Variants in BRDT observed in about 807,000 individuals in gnomAD.
BRDT encodes bromodomain testis-specific protein.
In BRDT, 77 loss-of-function variants were observed where a neutral mutation model predicts 113.9. That is an observed-to-expected ratio of 0.68 (90% CI 0.56 to 0.82). The LOEUF (loss-of-function observed/expected upper bound fraction) is 0.82, where lower values mean the gene tolerates loss of function less well. Among genes scored for constraint, BRDT ranks in the 40% least tolerant of loss-of-function variants. The pLI is 0.00. For synonymous variants in BRDT, 358 were observed against 366.5 expected (o/e 0.98, Z 0.26); for missense variants, 1,027 against 1,105.4 (o/e 0.93, Z 1.01).
rs537046140 is a variant in BRDT at position 91,999,255 on chromosome 1, C to T, written c.2288-2794C>T. Among the ~76,000 whole-genome samples, 3 of 152,210 alleles carry T rather than the reference C, an allele frequency of 2.0e-5. No homozygotes were observed. In the South Asian group the frequency reaches 6.2e-4, roughly 32 times the overall value. On this transcript the variant is annotated intron_variant, in intron 15 of 18. Transcript: ENST00000399546. Reference sequence around the variant, plus strand: ...AACCCAGGGATATAAGCTTCGGTGGCTCACAGGATACTGGCTGGATACTGT... The same window carrying T: ...AACCCAGGGATATAAGCTTCGGTGGTTCACAGGATACTGGCTGGATACTGT...
chr1:91,953,969 G>GTTTGT (rs548246770), intron 1 of BRDT, among the ~76,000 whole-genome samples: 1 of 147,522 alleles, frequency 6.8e-6, no homozygotes, highest in Non-Finnish European at 1.5e-5. Flanking sequence ...TGTTTTTTTT[G>GTTTGT]TTTGTTTTGT....
rs774952902 is a variant in BRDT, at chr1:91,978,997, C to CAAAAA, written c.1099-560_1099-556dup. ...TGGGCGACAGAGCGAGACTACGTCTCAAAAAAAAAAAAAAAACAACAACAA... is the reference window on the plus strand; with the variant it reads ...TGGGCGACAGAGCGAGACTACGTCTCAAAAAAAAAAAAAAAAAAAAACAACAACAA... On this transcript the variant is annotated intron_variant, in intron 7 of 18. Coordinates refer to ENST00000399546, the MANE Select transcript of BRDT (RefSeq NM_207189.4). 9.1e-3 allele frequency among the ~76,000 whole-genome samples: 704 copies of CAAAAA among 77,002 alleles called. 21 individuals are homozygous for CAAAAA. The highest frequency in any genetic ancestry group is 0.018 in the Middle Eastern group (2 of 110). The allele number at this position is 77,002 out of a possible 152,430, so 50.5% of individuals were successfully genotyped here. A position where few individuals can be genotyped will look rare whatever the true frequency, so the allele number is the denominator to read the frequency against.
intron 18 of BRDT, among the ~76,000 whole-genome samples, chr1:92,007,080 A>G (rs1687380222): frequency 6.6e-6 from 1 of 152,084 alleles, no homozygotes; most frequent in African/African-American, 2.4e-5. Flanking sequence ...TTAGCCAAAG[A>G]TCTCTGCCTT....
rs1684657723 is a variant in BRDT, at chr1:91,980,886, C to T, written c.1461-3C>T. The T allele has an allele frequency of 6.3e-7, 1 of 1,597,116 alleles. No individual in the cohort carries two copies. The highest frequency in any genetic ancestry group is 1.8e-5 in the Admixed American group (1 of 55,694). On this transcript the variant is annotated splice_polypyrimidine_tract_variant and splice_region_variant and intron_variant, in intron 9 of 18. Transcript: ENST00000399546. ...GTTGGACTAAATTTAGTTTTTGTTA[C>T]AGTCAGCCAAAGAAAAGGAAACAAC...
At chr1:91,996,693 G>A (rs1047202713) in intron 15 of BRDT, among the ~76,000 whole-genome samples, 20 of 152,228 alleles carry the variant, frequency 1.3e-4, no homozygotes, top group Non-Finnish European at 5.9e-5. Flanking sequence ...CACAGCAACT[G>A]TAGAAAGCAT....
At chr1:91,970,936 GGAAA>G (rs1683574088) in intron 4 of BRDT, among the ~76,000 whole-genome samples, 1 of 149,764 alleles carries the variant, frequency 6.7e-6, no homozygotes, top group African/African-American at 2.5e-5. Flanking sequence ...AAAAAGAAAA[GGAAA>G]GAAATATGTG....
rs115131695 is a variant in BRDT at position 91,969,702 on chromosome 1, T to A, written c.445+1442T>A. The stretch of plus-strand genomic sequence containing the variant: ...GTTGCTAGAAGGTAAAAATTATTGA[T>A]CTTTTTATTGATCTTTTATCTGAGG... On this transcript the variant is annotated intron_variant, in intron 4 of 18. Coordinates refer to ENST00000399546, the MANE Select transcript of BRDT (RefSeq NM_207189.4). Among the ~76,000 whole-genome samples, 814 of 152,238 alleles carry A rather than the reference T, an allele frequency of 5.3e-3. 6 individuals carry two copies. The highest frequency in any genetic ancestry group is 0.016 in the South Asian group (78 of 4,830).
chr1:91,959,361 A>G (rs1419435057), intron 1 of BRDT, among the ~76,000 whole-genome samples: 1 of 151,596 alleles, frequency 6.6e-6, no homozygotes, highest in Non-Finnish European at 1.5e-5. Context: ...GAGCCAGTTT[A>G]GTTGTGACAT....
chr1:91,996,298 G>T (rs1686327055), intron 15 of BRDT, among the ~76,000 whole-genome samples: 1 of 152,022 alleles, frequency 6.6e-6, no homozygotes, highest in African/African-American at 2.4e-5. Context: ...GCCCAGGCTG[G>T]AGTGTAGTAG....
At chr1:91,979,808 A>T (rs747539646) in intron 8 of BRDT, 51 bp downstream of exon 8, 10 of 1,512,512 alleles carry the variant, frequency 6.6e-6, no homozygotes, top group East Asian at 4.6e-5. Flanking sequence ...CTGCTAATCT[A>T]TCAGGAAATT....
rs901810216 is a variant in BRDT at position 91,979,271 on chromosome 1, A to G, written c.1099-298A>G. 2.0e-5 allele frequency among the ~76,000 whole-genome samples: 3 copies of G among 151,594 alleles called. No homozygotes were observed. The East Asian group carries it at 6.0e-4, about 30-fold the overall frequency. On this transcript the variant is annotated intron_variant, in intron 7 of 18. Coordinates refer to ENST00000399546, the MANE Select transcript of BRDT (RefSeq NM_207189.4). ...TGGGATTACAGGCATGCGCCACCAC[A>G]CGGGACTAATTTTGTATTTTTAGCA...
intron 8 of BRDT, among the ~76,000 whole-genome samples, 191 bp from the exon 9 acceptor site, chr1:91,980,452 A>G (rs538274784): frequency 1.7e-3 from 259 of 152,332 alleles, no homozygotes; most frequent in Non-Finnish European, 3.3e-3. Context: ...AGCACATGAT[A>G]GTTTTTGTAA....
chr1:92,009,610 C>T (rs1019777054), intron 18 of BRDT, among the ~76,000 whole-genome samples: 1 of 144,094 alleles, frequency 6.9e-6, no homozygotes, highest in African/African-American at 2.5e-5. Flanking sequence ...AGTGCAGCGC[C>T]ATGATCATGG....
At chr1:91,959,036 G>A (rs908679288) in intron 1 of BRDT, among the ~76,000 whole-genome samples, 2 of 152,026 alleles carry the variant, frequency 1.3e-5, no homozygotes, top group African/African-American at 4.8e-5. Context: ...GAGACAGTAA[G>A]ACCCTGACTC....
intron 14 of BRDT, among the ~76,000 whole-genome samples, chr1:91,993,394 T>C (rs911887278): frequency 6.6e-6 from 1 of 152,176 alleles, no homozygotes; most frequent in African/African-American, 2.4e-5. Flanking sequence ...AGGTGTGAGA[T>C]TTCAGGTAAG....
chr1:92,002,059 A>G lies in BRDT; in HGVS notation c.2298A>G (p.Glu766=). The change falls in exon 16 of 19, where the codon GAA becomes GAG. Residue 766 remains glutamate, a synonymous_variant. Coordinates refer to ENST00000399546, the MANE Select transcript of BRDT (RefSeq NM_207189.4). The part of the protein sequence containing the change: ...LQILPPSGDS[E]QLSNGITVMH... ...AATGTGTGCATCCAGGTGATTCTGAACAGCTCTCAAATGGCATAACTGTGA... is the reference window on the plus strand; with the variant it reads ...AATGTGTGCATCCAGGTGATTCTGAGCAGCTCTCAAATGGCATAACTGTGA... 6.2e-7 allele frequency: 1 copy of G among 1,611,822 alleles called. No homozygotes were observed. The highest frequency in any genetic ancestry group is 8.5e-7 in the Non-Finnish European group (1 of 1,178,234).
At chr1:91,981,855 C>CCATAT in intron 12 of BRDT, 100 bp downstream of exon 12, 1 of 1,386,758 alleles carries the variant, frequency 7.2e-7, no homozygotes, top group East Asian at 2.5e-5. Flanking sequence ...TACCCAGAAT[C>CCATAT]CATGGTTTGT....
chr1:91,973,325 A>G (rs1039213999), intron 4 of BRDT, among the ~76,000 whole-genome samples: 7 of 152,086 alleles, frequency 4.6e-5, no homozygotes, highest in African/African-American at 1.4e-4. Flanking sequence ...GAAGAAAGTC[A>G]TTGGTAGCTT....
At chr1:92,008,869 CAATT>C (rs1310622655) in intron 18 of BRDT, among the ~76,000 whole-genome samples, 1 of 152,072 alleles carries the variant, frequency 6.6e-6, no homozygotes, top group Non-Finnish European at 1.5e-5. Flanking sequence ...TCTTAATTGA[CAATT>C]ATATATATTT....
Sources: allele counts gnomAD v4.1 joint callset (sites outside exome capture counted in the v4.1 genomes callset), GRCh38; gene constraint gnomAD v4.1.1; transcripts MANE v1.5; gene names NCBI Gene and HGNC (gene_info 2026-07-23, HGNC 2026-07-21).